Variants in UBE2W observed in about 807,000 individuals in gnomAD.
The protein encoded by UBE2W is ubiquitin-conjugating enzyme E2 W.
A neutral mutation model predicts 27.2 loss-of-function variants in UBE2W; 18 were observed. The observed-to-expected ratio is 0.66, with a 90% CI of 0.46 to 0.98. UBE2W has a LOEUF of 0.98. UBE2W is among the 50% of genes least tolerant of loss of function. UBE2W has a pLI of 0.00. For missense variants in UBE2W, 90 were observed against 180.2 expected, an observed-to-expected ratio of 0.50 and a Z score of 2.87; for synonymous variants, 53 against 57.2, an observed-to-expected ratio of 0.93 and a Z score of 0.33.
intron 4 of UBE2W, 29 bp downstream of exon 4, chr8:73,810,445 T>C (rs1364141064): frequency 3.2e-6 from 5 of 1,587,094 alleles, no homozygotes; most frequent in Non-Finnish European, 4.3e-6. Flanking sequence ...AGAAGAGATA[T>C]TATCTGGAAT....
intron 4 of UBE2W, among the ~76,000 whole-genome samples, chr8:73,807,861 C>T (rs1353263807): frequency 6.6e-6 from 1 of 152,072 alleles, no homozygotes; most frequent in Non-Finnish European, 1.5e-5. Context: ...AGAAACTATA[C>T]AAAAGAAGTC....
chr8:73,878,089 T>C (rs1040244784), intron 1 of UBE2W, among the ~76,000 whole-genome samples: 20 of 150,410 alleles, frequency 1.3e-4, no homozygotes, highest in Non-Finnish European at 2.5e-4. Context: ...TCCCGAGAGG[T>C]TTAAGGGGGC....
chr8:73,818,135 G>A (rs71527231), intron 3 of UBE2W, among the ~76,000 whole-genome samples: 15,213 of 151,990 alleles, frequency 0.1, 816 homozygotes, highest in Middle Eastern at 0.16. Context: ...TTTCCCTTTT[G>A]CCCCCAAAGC....
intron 1 of UBE2W, among the ~76,000 whole-genome samples, chr8:73,849,907 C>CA (rs891418368): frequency 1.3e-5 from 2 of 151,524 alleles, no homozygotes; most frequent in African/African-American, 4.9e-5. Flanking sequence ...ATGTTAAGGC[C>CA]AAAAATAATA....
chr8:73,861,652 C>A (rs7830428), intron 1 of UBE2W, among the ~76,000 whole-genome samples: 8,636 of 152,098 alleles, frequency 0.057, 804 homozygotes, highest in African/African-American at 0.19. Flanking sequence ...TCAACTCCAA[C>A]GATTCATGAT....
intron 3 of UBE2W, among the ~76,000 whole-genome samples, chr8:73,819,893 T>C (rs1809537157): frequency 6.6e-6 from 1 of 152,242 alleles, no homozygotes; most frequent in Admixed American, 6.5e-5. Flanking sequence ...ATGAGATTCA[T>C]CTATTCTAGA....
chr8:73,803,590 G>T (rs1276815548), intron 5 of UBE2W, among the ~76,000 whole-genome samples: 1 of 151,934 alleles, frequency 6.6e-6, no homozygotes, highest in African/African-American at 2.4e-5. Flanking sequence ...CACTGGATTT[G>T]TAATGAACTC....
downstream of UBE2W, among the ~76,000 whole-genome samples, chr8:73,783,656 T>C (rs1807883969): frequency 6.6e-6 from 1 of 152,198 alleles, no homozygotes; most frequent in Non-Finnish European, 1.5e-5. Flanking sequence ...TCTGTGACTC[T>C]TCCAATCCAT....
chr8:73,878,124 G>A (rs1358132477), intron 1 of UBE2W, among the ~76,000 whole-genome samples: 1 of 152,220 alleles, frequency 6.6e-6, no homozygotes, highest in Non-Finnish European at 1.5e-5. Context: ...TCGGGAGATC[G>A]CCCATCAGGC....
chr8:73,794,539 T>A (rs1438414724), intron 5 of UBE2W, among the ~76,000 whole-genome samples: 5 of 152,206 alleles, frequency 3.3e-5, no homozygotes. Flanking sequence ...GTGAAGGAAG[T>A]AACTGTTCTT....
intron 1 of UBE2W, among the ~76,000 whole-genome samples, chr8:73,843,401 G>A (rs1437659154): frequency 6.6e-6 from 1 of 152,186 alleles, no homozygotes; most frequent in Non-Finnish European, 1.5e-5. Context: ...GGGAGGCCAA[G>A]GCAGGAAGAT....
In UBE2W at chr8:73,791,583, G is replaced by T. The variant is rs1027109019; in HGVS notation, c.*2519C>A. On this transcript the variant is annotated 3_prime_UTR_variant, in exon 6 of 6. Transcript: ENST00000602593. The stretch of plus-strand genomic sequence containing the variant: ...AGAAATATTCTTTTTATTATTACAA[G>T]CCATTAATTGCTCTCTGTAGAGCAA... 4 of 984,938 alleles carry T rather than the reference G, an allele frequency of 4.1e-6. No homozygotes were observed. Among genetic ancestry groups the T allele is most frequent in the Non-Finnish European group, 4.8e-6 (4 of 829,746 alleles). The allele number at this position is 984,938 out of a possible 1,614,324, so 61.0% of individuals were successfully genotyped here.
exon 5 of UBE2W, chr8:73,780,368 G>A (rs1176729142): frequency 1.6e-5 from 6 of 386,226 alleles, no homozygotes; most frequent in South Asian, 3.9e-5. Flanking sequence ...ATTCTACTTC[G>A]GTATAACCTC....
At chr8:73,838,841 C>A (rs1455744177) in intron 1 of UBE2W, among the ~76,000 whole-genome samples, 1 of 152,146 alleles carries the variant, frequency 6.6e-6, no homozygotes, top group Non-Finnish European at 1.5e-5. Context: ...GGACTGTAAC[C>A]TTTGTAACAT....
chr8:73,802,742 G>T (rs1586450946), intron 5 of UBE2W, among the ~76,000 whole-genome samples: 1 of 152,156 alleles, frequency 6.6e-6, no homozygotes, highest in African/African-American at 2.4e-5. Flanking sequence ...TACAAAAATT[G>T]GCCGGGTGTG....
At chr8:73,785,857 C>A (rs913282952), downstream of UBE2W, among the ~76,000 whole-genome samples, 26 of 152,242 alleles carry the variant, frequency 1.7e-4, no homozygotes, top group Non-Finnish European at 3.8e-4. Context: ...CAGGCGTAAG[C>A]CACTGTGCCT....
intron 4 of UBE2W, among the ~76,000 whole-genome samples, chr8:73,806,510 T>A (rs1470212091): frequency 1.6e-5 from 2 of 128,218 alleles, no homozygotes; most frequent in African/African-American, 3.0e-5. Context: ...CCATCCTGGC[T>A]AACACGGTGA....
intron 5 of UBE2W, among the ~76,000 whole-genome samples, chr8:73,800,736 T>C (rs912407278): frequency 2.0e-5 from 3 of 152,330 alleles, no homozygotes; most frequent in Non-Finnish European, 2.9e-5. Flanking sequence ...TAAAAAGAAC[T>C]TTCTACTTCA....
intron 1 of UBE2W, among the ~76,000 whole-genome samples, chr8:73,855,556 C>T (rs1811262085): frequency 6.6e-6 from 1 of 151,942 alleles, no homozygotes; most frequent in African/African-American, 2.4e-5. Flanking sequence ...TGCACGCCAC[C>T]ACACCCAGCT....
Sources: allele counts gnomAD v4.1 joint callset (sites outside exome capture counted in the v4.1 genomes callset), GRCh38; gene constraint gnomAD v4.1.1; transcripts MANE v1.5; gene names NCBI Gene and HGNC (gene_info 2026-07-23, HGNC 2026-07-21).